FSTL5: variants seen among roughly 807,000 people sequenced by gnomAD.
FSTL5 encodes follistatin-related protein 5.
Under a neutral mutation model 89.1 loss-of-function variants are expected in FSTL5, and 62 were observed. The observed-to-expected ratio is 0.70, with a 90% CI of 0.57 to 0.86. FSTL5 has a LOEUF of 0.86. Among genes scored for constraint, FSTL5 ranks in the 40% least tolerant of loss-of-function variants. The pLI, the probability that FSTL5 is intolerant of heterozygous loss-of-function variation, is 0.00. For missense variants in FSTL5, 1,057 were observed against 1,001.6 expected (o/e 1.06, Z -0.75); for synonymous variants, 383 against 346.2 (o/e 1.11, Z -1.18).
Position 161,825,639 on chromosome 4 carries a change from T to C in FSTL5, c.410-49565A>G, listed in dbSNP as rs187515175. On this transcript the variant is annotated intron_variant, in intron 4 of 15. Coordinates refer to ENST00000306100, the MANE Select transcript of FSTL5 (RefSeq NM_020116.5). The stretch of plus-strand genomic sequence containing the variant: ...AGGAGGGTTGTATATTTCCAGGAAT[T>C]TATCTATCTCTTCTAGGTTTTCCAG... Among the ~76,000 whole-genome samples, 240 of 152,278 alleles carry C rather than the reference T, an allele frequency of 1.6e-3. 1 individual carries two copies. The highest frequency in any genetic ancestry group is 5.6e-3 in the African/African-American group (233 of 41,564).
At chr4:161,868,206 T>C (rs193272874) in intron 4 of FSTL5, among the ~76,000 whole-genome samples, 215 of 152,336 alleles carry the variant, frequency 1.4e-3, no homozygotes, top group Middle Eastern at 3.4e-3. Flanking sequence ...GAAATACTTG[T>C]TGAATTTAGT....
intron 2 of FSTL5, among the ~76,000 whole-genome samples, chr4:162,061,260 C>T (rs1738709184): frequency 6.6e-6 from 1 of 151,974 alleles, no homozygotes; most frequent in South Asian, 2.1e-4. Context: ...CGGTCACTTC[C>T]CTACCAAGCC....
intron 15 of FSTL5, among the ~76,000 whole-genome samples, chr4:161,418,446 G>T (rs1362828405): frequency 1.3e-5 from 2 of 152,118 alleles, no homozygotes; most frequent in African/African-American, 4.8e-5. Flanking sequence ...TGACTGCAAG[G>T]TGGGAAGTGG....
At chr4:161,977,787 C>G (rs1017118276) in intron 3 of FSTL5, among the ~76,000 whole-genome samples, 1 of 151,478 alleles carries the variant, frequency 6.6e-6, no homozygotes, top group Admixed American at 6.6e-5. Flanking sequence ...ACCCACTATC[C>G]CTTTATAATC....
intron 4 of FSTL5, among the ~76,000 whole-genome samples, chr4:161,783,002 T>A (rs573198253): frequency 3.3e-5 from 5 of 152,280 alleles, no homozygotes; most frequent in African/African-American, 9.6e-5. Context: ...CTTCCTTTCT[T>A]CATCTCCTCC....
intron 7 of FSTL5, among the ~76,000 whole-genome samples, chr4:161,622,791 A>G (rs907552551): frequency 6.6e-6 from 1 of 152,126 alleles, no homozygotes; most frequent in African/African-American, 2.4e-5. Flanking sequence ...TTAAGAATCA[A>G]TTCCAGGTAT....
Position 162,047,796 on chromosome 4 carries a change from G to A in FSTL5, c.127-14138C>T, listed in dbSNP as rs560027659. ...GCTGAGATCGCACCACTGCACTCCA[G>A]CCCGGGCAACAAGAGAGAAACTCCA... is the stretch of plus-strand genomic sequence containing the variant. On this transcript the variant is annotated intron_variant, in intron 2 of 15. Transcript: ENST00000306100. 4.6e-5 allele frequency among the ~76,000 whole-genome samples: 7 copies of A among 152,052 alleles called. No homozygotes were observed. The South Asian group carries it at 1.2e-3, about 27-fold the overall frequency.
At position 161,910,481 on chromosome 4, in the gene FSTL5, C is replaced by T. The variant is rs76104765; in HGVS notation, c.409+9923G>A. ...AAGCCAATCTTAAATCACTATATACCTGTATATATACTCTCCTTGCATACA... is the reference window on the plus strand; with the variant it reads ...AAGCCAATCTTAAATCACTATATACTTGTATATATACTCTCCTTGCATACA... On this transcript the variant is annotated intron_variant, in intron 4 of 15. Transcript: ENST00000306100. Among the ~76,000 whole-genome samples the T allele has an allele frequency of 1.3e-3, 192 of 152,202 alleles. 4 individuals carry two copies. The East Asian group carries it at 0.031, about 24-fold the overall frequency.
chr4:161,720,920 G>A (rs921019679), intron 6 of FSTL5, among the ~76,000 whole-genome samples: 1 of 152,138 alleles, frequency 6.6e-6, no homozygotes, highest in Admixed American at 6.5e-5. Context: ...TGTACAAGAT[G>A]AGTAAGTCCT....
At position 161,642,997 on chromosome 4, in the gene FSTL5, A is replaced by C. The variant is rs188986800; in HGVS notation, c.894+13331T>G. Among the ~76,000 whole-genome samples the C allele has an allele frequency of 5.6e-4, 85 of 152,332 alleles. No homozygotes were observed. In the Middle Eastern group the frequency reaches 0.02, roughly 37 times the overall value. On this transcript the variant is annotated intron_variant, in intron 7 of 15. Coordinates refer to ENST00000306100, the MANE Select transcript of FSTL5 (RefSeq NM_020116.5). The stretch of plus-strand genomic sequence containing the variant: ...ACAATTTAAAAATTAGAAAAAATCA[A>C]TTTAAACCTCATCTTGTGTATGGGT...
At chr4:161,552,240 A>T (rs1379772369) in intron 8 of FSTL5, among the ~76,000 whole-genome samples, 1 of 151,886 alleles carries the variant, frequency 6.6e-6, no homozygotes, top group Non-Finnish European at 1.5e-5. Context: ...TGAGCTTTTT[A>T]AAAAAGACAG....
At chr4:161,453,355 A>C (rs1733238358) in intron 15 of FSTL5, among the ~76,000 whole-genome samples, 1 of 152,196 alleles carries the variant, frequency 6.6e-6, no homozygotes, top group Non-Finnish European at 1.5e-5. Flanking sequence ...ATAACTTGAA[A>C]ATAACAAAAG....
chr4:161,775,012 T>C (rs1306098646), intron 5 of FSTL5, among the ~76,000 whole-genome samples: 4 of 152,150 alleles, frequency 2.6e-5, no homozygotes, highest in Admixed American at 6.6e-5. Context: ...CTCACAATGT[T>C]ACTTTGAGAT....
chr4:161,655,910 C>G (rs1185956411), intron 7 of FSTL5, among the ~76,000 whole-genome samples: 7 of 152,080 alleles, frequency 4.6e-5, no homozygotes, highest in Admixed American at 4.6e-4. Flanking sequence ...ATCACATTTC[C>G]TATTGATGGC....
chr4:161,473,585 C>A (rs1271933283), intron 13 of FSTL5, among the ~76,000 whole-genome samples: 2 of 151,984 alleles, frequency 1.3e-5, no homozygotes, highest in African/African-American at 2.4e-5. Context: ...CGTGTCACCA[C>A]ACCCAGCAAA....
chr4:162,127,188 G>A (rs1732117560), intron 1 of FSTL5, among the ~76,000 whole-genome samples: 1 of 152,116 alleles, frequency 6.6e-6, no homozygotes, highest in Admixed American at 6.5e-5. Flanking sequence ...TAAATCTCCA[G>A]GCTGCCTTTC....
chr4:162,041,928 A>T (rs1737976823), intron 2 of FSTL5: 1 of 152,250 alleles, frequency 6.6e-6, no homozygotes. Flanking sequence ...AGGAGGACGC[A>T]TCACCTGAAG....
At chr4:161,391,411 C>G (rs1021030295) in intron 15 of FSTL5, among the ~76,000 whole-genome samples, 4 of 152,064 alleles carry the variant, frequency 2.6e-5, no homozygotes, top group African/African-American at 9.7e-5. Context: ...TAATTCTTCC[C>G]CTACACATAA....
At chr4:162,104,794 G>C (rs921793289) in intron 2 of FSTL5, among the ~76,000 whole-genome samples, 2 of 152,126 alleles carry the variant, frequency 1.3e-5, no homozygotes, top group Admixed American at 1.3e-4. Context: ...TAAAATCTCA[G>C]ACCTTTCACA....
Sources: allele counts gnomAD v4.1 joint callset (sites outside exome capture counted in the v4.1 genomes callset), GRCh38; gene constraint gnomAD v4.1.1; transcripts MANE v1.5; gene names NCBI Gene and HGNC (gene_info 2026-07-23, HGNC 2026-07-21).